ELMO1: variants seen among roughly 807,000 people sequenced by gnomAD.
The protein encoded by ELMO1 is engulfment and cell motility protein 1.
In ELMO1, 26 loss-of-function variants were observed where a neutral mutation model predicts 98.9. That is an observed-to-expected ratio of 0.26 (90% confidence interval 0.19 to 0.36). The LOEUF (loss-of-function observed/expected upper bound fraction) is 0.36. Ranked by LOEUF, ELMO1 falls within the 10% of genes least tolerant of loss-of-function variation. The pLI is 1.00. For synonymous variants in ELMO1, 346 were observed against 346.0 expected (o/e 1.00, Z 0.00); for missense variants, 627 against 935.2 (o/e 0.67, Z 4.30).
chr7:37,090,039 A>G (rs1783990970), intron 15 of ELMO1, among the ~76,000 whole-genome samples: 1 of 152,212 alleles, frequency 6.6e-6, no homozygotes, highest in Non-Finnish European at 1.5e-5. Flanking sequence ...CTACACACCT[A>G]AAAGAGATCC....
intron 14 of ELMO1, among the ~76,000 whole-genome samples, chr7:37,113,557 T>C (rs1253623045): frequency 6.6e-6 from 1 of 152,036 alleles, no homozygotes; most frequent in Non-Finnish European, 1.5e-5. Context: ...CAGGAACAGA[T>C]TCCTAGGAGA....
intron 18 of ELMO1, among the ~76,000 whole-genome samples, chr7:36,878,950 A>G (rs1383568402): frequency 3.3e-5 from 5 of 152,216 alleles, no homozygotes; most frequent in Non-Finnish European, 7.3e-5. Context: ...TCCTCCAGGA[A>G]GCCCTCTTTA....
At chr7:36,959,961 A>T (rs751513146) in intron 16 of ELMO1, among the ~76,000 whole-genome samples, 4 of 152,154 alleles carry the variant, frequency 2.6e-5, no homozygotes, top group Non-Finnish European at 4.4e-5. Flanking sequence ...ATCTCATCAA[A>T]CAAGGAAGAT....
intron 16 of ELMO1, chr7:36,986,327 G>A (rs1446955657): frequency 5.5e-6 from 5 of 915,186 alleles, no homozygotes; most frequent in Non-Finnish European, 6.5e-6. Context: ...TATCACAAGA[G>A]AAAAATAATA....
At chr7:36,958,219 A>C (rs145745966) in intron 16 of ELMO1, among the ~76,000 whole-genome samples, 1 of 152,080 alleles carries the variant, frequency 6.6e-6, no homozygotes, top group Non-Finnish European at 1.5e-5. Context: ...TCTCTCTATC[A>C]TATTTGCTTA....
intron 1 of ELMO1, among the ~76,000 whole-genome samples, chr7:37,365,814 C>A (rs185258198): frequency 1.9e-4 from 29 of 152,314 alleles, no homozygotes; most frequent in African/African-American, 7.0e-4. Flanking sequence ...AAAGTATTAT[C>A]ATAAGCGCCA....
At chr7:37,383,154 A>G (rs2392496) in intron 1 of ELMO1, among the ~76,000 whole-genome samples, 38,852 of 152,214 alleles carry the variant, frequency 0.26, 5,268 homozygotes, top group Non-Finnish European at 0.31. Context: ...TATCCCAATA[A>G]TGTCCTTTAT....
At chr7:37,085,662 G>T (rs1249591285) in intron 15 of ELMO1, among the ~76,000 whole-genome samples, 2 of 152,022 alleles carry the variant, frequency 1.3e-5, no homozygotes, top group South Asian at 4.1e-4. Flanking sequence ...AAAATAACCC[G>T]TGGGTCCAAG....
intron 1 of ELMO1, among the ~76,000 whole-genome samples, chr7:37,388,208 C>T (rs191434049): frequency 1.4e-4 from 22 of 152,270 alleles, no homozygotes; most frequent in African/African-American, 5.1e-4. Context: ...ATTATCCAGA[C>T]AGATGAATGA....
At chr7:36,973,382 C>T (rs1349430305) in intron 16 of ELMO1, among the ~76,000 whole-genome samples, 1 of 152,184 alleles carries the variant, frequency 6.6e-6, no homozygotes, top group Non-Finnish European at 1.5e-5. Flanking sequence ...TTAACAATGT[C>T]CCATTAGGGC....
At chr7:37,155,272 A>G (rs1462332244) in intron 13 of ELMO1, among the ~76,000 whole-genome samples, 1 of 152,214 alleles carries the variant, frequency 6.6e-6, no homozygotes. Context: ...ATAACCAGCT[A>G]GCATCATAAT....
At chr7:36,956,399 A>C (rs937712569) in intron 16 of ELMO1, among the ~76,000 whole-genome samples, 4 of 152,136 alleles carry the variant, frequency 2.6e-5, no homozygotes, top group African/African-American at 7.2e-5. Flanking sequence ...GTCTTTTTTG[A>C]AATAAAATAA....
At chr7:37,089,048 A>C (rs1284540348) in intron 15 of ELMO1, among the ~76,000 whole-genome samples, 1 of 152,230 alleles carries the variant, frequency 6.6e-6, no homozygotes, top group African/African-American at 2.4e-5. Context: ...AATTTTCTTG[A>C]GTTTTCTTTA....
At chr7:37,295,749 AAAG>A (rs1416036710) in intron 4 of ELMO1, among the ~76,000 whole-genome samples, 1 of 152,196 alleles carries the variant, frequency 6.6e-6, no homozygotes, top group Non-Finnish European at 1.5e-5. Context: ...CCAAATAGAG[AAAG>A]AAGTATTGTA....
chr7:37,421,542 G>C (rs75129780), intron 1 of ELMO1, among the ~76,000 whole-genome samples: 1 of 152,150 alleles, frequency 6.6e-6, no homozygotes, highest in Non-Finnish European at 1.5e-5. Context: ...TGTGAGGATA[G>C]TCCTCATGAT....
chr7:37,267,741 TTTTG>T (rs1355000763), intron 5 of ELMO1, among the ~76,000 whole-genome samples: 1 of 152,226 alleles, frequency 6.6e-6, no homozygotes, highest in African/African-American at 2.4e-5. Context: ...ACAGACATTA[TTTTG>T]TTTATTTTTC....
At chr7:37,047,260 G>A (rs1022325505) in intron 15 of ELMO1, among the ~76,000 whole-genome samples, 1 of 152,204 alleles carries the variant, frequency 6.6e-6, no homozygotes, top group Non-Finnish European at 1.5e-5. Flanking sequence ...AGAATAGCTT[G>A]TTAAATCAGA....
intron 13 of ELMO1, among the ~76,000 whole-genome samples, chr7:37,156,951 T>A (rs1420592339): frequency 6.6e-6 from 1 of 152,100 alleles, no homozygotes; most frequent in Non-Finnish European, 1.5e-5. Flanking sequence ...GAGCAGCACA[T>A]CAAAAAGCTT....
At chr7:37,405,850 G>A (rs1017495760) in intron 1 of ELMO1, among the ~76,000 whole-genome samples, 1 of 152,174 alleles carries the variant, frequency 6.6e-6, no homozygotes, top group East Asian at 1.9e-4. Context: ...CAACTCCGCT[G>A]GTCCCAACAG....
Sources: allele counts gnomAD v4.1 joint callset (sites outside exome capture counted in the v4.1 genomes callset), GRCh38; gene constraint gnomAD v4.1.1; transcripts MANE v1.5; gene names NCBI Gene and HGNC (gene_info 2026-07-23, HGNC 2026-07-21).